DSCAM: variants seen among roughly 807,000 people sequenced by gnomAD.
DSCAM encodes the protein cell adhesion molecule DSCAM.
Under a neutral mutation model 217.7 loss-of-function variants are expected in DSCAM, and 47 were observed. The observed-to-expected ratio is 0.22, with a 90% CI of 0.17 to 0.28. The LOEUF (loss-of-function observed/expected upper bound fraction) is 0.28. DSCAM is among the 10% of genes least tolerant of loss of function. The probability of loss-of-function intolerance (pLI) is 1.00; values close to 1 mark genes in which losing one functional copy is unlikely to be tolerated. For missense variants in DSCAM, 2,080 were observed against 2,618.3 expected, an observed-to-expected ratio of 0.79 and a Z score of 4.49; for synonymous variants, 1,056 against 1,015.3, an observed-to-expected ratio of 1.04 and a Z score of -0.76.
chr21:40,821,620 C>T (rs909919910), intron 1 of DSCAM, among the ~76,000 whole-genome samples: 5 of 152,068 alleles, frequency 3.3e-5, no homozygotes, highest in Non-Finnish European at 7.4e-5. Flanking sequence ...TGATCTTGTT[C>T]CTTTTTATGG....
chr21:40,189,868 T>C (rs1251296753), intron 11 of DSCAM, among the ~76,000 whole-genome samples: 1 of 152,206 alleles, frequency 6.6e-6, no homozygotes, highest in Non-Finnish European at 1.5e-5. Flanking sequence ...GTCTCAGGCA[T>C]GTCTGTATCA....
intron 16 of DSCAM, among the ~76,000 whole-genome samples, chr21:40,161,093 G>A (rs2090536012): frequency 6.6e-6 from 1 of 152,116 alleles, no homozygotes; most frequent in African/African-American, 2.4e-5. Flanking sequence ...AGTAGCTCTT[G>A]CAAATGCAGC....
At chr21:40,584,501 G>A (rs968249023) in intron 3 of DSCAM, among the ~76,000 whole-genome samples, 3 of 152,174 alleles carry the variant, frequency 2.0e-5, no homozygotes, top group African/African-American at 4.8e-5. Context: ...CAGAATGGAA[G>A]AATGAAAGCA....
intron 16 of DSCAM, among the ~76,000 whole-genome samples, chr21:40,158,130 A>T (rs2090500333): frequency 6.6e-6 from 1 of 152,232 alleles, no homozygotes; most frequent in East Asian, 1.9e-4. Flanking sequence ...CATGCCTGTA[A>T]TCACAGCACA....
rs1568939086 is a variant in DSCAM at position 40,097,965 on chromosome 21, AG to A, written c.3697-4092del. The stretch of plus-strand genomic sequence containing the variant: ...CAAAAAAAAAAAAAAAAAGAAAGAA[AG>A]AAAGAAAGAAAGAAAGAAAGAAAGA... On this transcript the variant is annotated intron_variant, in intron 20 of 32. Transcript: ENST00000400454. Among the ~76,000 whole-genome samples, 349 of 57,798 alleles carry A rather than the reference AG, an allele frequency of 6.0e-3. 10 individuals are homozygous for A. The highest frequency in any genetic ancestry group is 0.011 in the East Asian group (15 of 1,364). The allele number at this position is 57,798 out of a possible 152,430, so 37.9% of individuals were successfully genotyped here.
intron 11 of DSCAM, among the ~76,000 whole-genome samples, chr21:40,267,956 C>A (rs1339120670): frequency 6.6e-6 from 1 of 152,080 alleles, no homozygotes; most frequent in Non-Finnish European, 1.5e-5. Context: ...TGTATATATA[C>A]AAACATAGGC....
chr21:40,068,495 T>G (rs1306148926), intron 27 of DSCAM, among the ~76,000 whole-genome samples: 1 of 152,124 alleles, frequency 6.6e-6, no homozygotes, highest in South Asian at 2.1e-4. Context: ...GTAGTGAATA[T>G]CGAAATACAA....
intron 3 of DSCAM, among the ~76,000 whole-genome samples, chr21:40,517,249 G>GTA (rs957962707): frequency 1.4e-4 from 21 of 147,674 alleles, no homozygotes; most frequent in Admixed American, 5.5e-4. Flanking sequence ...CCTTATGTGT[G>GTA]TATATATATA....
intron 3 of DSCAM, among the ~76,000 whole-genome samples, chr21:40,531,590 C>G: frequency 6.6e-6 from 1 of 152,232 alleles, no homozygotes; most frequent in African/African-American, 2.4e-5. Flanking sequence ...AAGAACAGAG[C>G]AGATTCCAAC....
rs938251110 is a variant in DSCAM, at chr21:40,636,955, T to C, written c.508+55855A>G. Among the ~76,000 whole-genome samples, 4 of 149,630 alleles carry C rather than the reference T, an allele frequency of 2.7e-5. No homozygotes were observed. In the Admixed American group the frequency reaches 2.7e-4, roughly 10 times the overall value. On this transcript the variant is annotated intron_variant, in intron 3 of 32. Transcript: ENST00000400454. ...GCCCAGCTTTGTCATCTCAGCACTA[T>C]CTCTGTCTGTGGTGAGTTACAGTTC...
Position 40,222,547 on chromosome 21 carries a change from T to C in DSCAM, c.2357-33309A>G, listed in dbSNP as rs534984354. Among the ~76,000 whole-genome samples the C allele has an allele frequency of 2.9e-4, 44 of 152,366 alleles. 2 individuals carry two copies. The South Asian group carries it at 9.1e-3, about 32-fold the overall frequency. Reference sequence around the variant, plus strand: ...TCCAACTACACCTCTGTGCGAATTGTATTTTCTTCATATGCTTCAACGAAC... The same window carrying C: ...TCCAACTACACCTCTGTGCGAATTGCATTTTCTTCATATGCTTCAACGAAC... On this transcript the variant is annotated intron_variant, in intron 11 of 32. Coordinates refer to ENST00000400454, the MANE Select transcript of DSCAM (RefSeq NM_001389.5).
intron 3 of DSCAM, among the ~76,000 whole-genome samples, chr21:40,596,425 A>G (rs942868408): frequency 2.0e-5 from 3 of 152,178 alleles, no homozygotes; most frequent in African/African-American, 4.8e-5. Flanking sequence ...GAGGCCCTCA[A>G]TGGCCATTTT....
intron 8 of DSCAM, among the ~76,000 whole-genome samples, chr21:40,323,005 T>C (rs1023704777): frequency 1.3e-5 from 2 of 152,050 alleles, no homozygotes; most frequent in Admixed American, 6.6e-5. Context: ...ACCTCGGAGA[T>C]TGTCTCAGCT....
intron 1 of DSCAM, among the ~76,000 whole-genome samples, chr21:40,767,729 G>A (rs1282477769): frequency 1.3e-5 from 2 of 152,146 alleles, no homozygotes; most frequent in Non-Finnish European, 2.9e-5. Flanking sequence ...CTAACATTTG[G>A]TCCTGAGCAT....
intron 3 of DSCAM, among the ~76,000 whole-genome samples, chr21:40,614,851 C>T (rs1297482189): frequency 3.3e-5 from 5 of 152,136 alleles, no homozygotes; most frequent in Admixed American, 3.3e-4. Context: ...ACATGATATA[C>T]ATTATGTATA....
intron 1 of DSCAM, among the ~76,000 whole-genome samples, chr21:40,825,461 G>A (rs966569237): frequency 5.3e-5 from 8 of 151,988 alleles, no homozygotes; most frequent in Admixed American, 2.6e-4. Context: ...GGAATTACAG[G>A]CACTTACCAC....
chr21:40,212,138 T>G (rs1177014876), intron 11 of DSCAM, among the ~76,000 whole-genome samples: 1 of 151,978 alleles, frequency 6.6e-6, no homozygotes, highest in Non-Finnish European at 1.5e-5. Flanking sequence ...CCTGGCTAAT[T>G]TTTTTATTTT....
chr21:40,510,287 A>G (rs2076248213), intron 3 of DSCAM, among the ~76,000 whole-genome samples: 1 of 152,236 alleles, frequency 6.6e-6, no homozygotes, highest in South Asian at 2.1e-4. Flanking sequence ...GGGAAAATTT[A>G]TTAATTCAAC....
At chr21:40,077,912 C>T (rs557380061) in intron 26 of DSCAM, among the ~76,000 whole-genome samples, 2 of 152,210 alleles carry the variant, frequency 1.3e-5, no homozygotes, top group Non-Finnish European at 2.9e-5. Flanking sequence ...CCTTGCTGTT[C>T]CCCTAGTGAG....
Sources: gnomAD v4.1 joint callset for allele counts (sites outside exome capture counted in the v4.1 genomes callset) on GRCh38, gnomAD v4.1.1 for gene constraint, MANE v1.5 for transcripts, NCBI Gene and HGNC (gene_info 2026-07-23, HGNC 2026-07-21) for gene names.